Variants in ATPSCKMT observed in about 807,000 individuals in gnomAD.
ATPSCKMT encodes the protein ATP synthase subunit C lysine N-methyltransferase.
Under a neutral mutation model 24.3 loss-of-function variants are expected in ATPSCKMT, and 24 were observed. That is an observed-to-expected ratio of 0.99 (90% CI 0.71 to 1.39). The LOEUF (loss-of-function observed/expected upper bound fraction) is 1.39. Ranked by LOEUF, ATPSCKMT falls within the 40% of genes most tolerant of loss-of-function variation. The pLI, the probability that ATPSCKMT is intolerant of heterozygous loss-of-function variation, is 0.00. For synonymous variants in ATPSCKMT, 95 were observed against 110.5 expected, an observed-to-expected ratio of 0.86 and a Z score of 0.88; for missense variants, 311 against 298.4, an observed-to-expected ratio of 1.04 and a Z score of -0.31.
intron 1 of ATPSCKMT, among the ~76,000 whole-genome samples, chr5:10,240,904 G>C (rs1744610746): frequency 6.6e-6 from 1 of 151,440 alleles, no homozygotes; most frequent in African/African-American, 2.4e-5. Flanking sequence ...GCTGAGGCAG[G>C]AGAATCGCTT....
chr5:10,239,325 A>C lies in ATPSCKMT; in HGVS notation c.48T>G (p.Ser16Arg), dbSNP rs1351883276. Residue 16 changes from serine to arginine, a missense_variant, in exon 2 of 5, where the codon AGT becomes AGG. Coordinates refer to ENST00000511437, the MANE Select transcript of ATPSCKMT (RefSeq NM_199133.4). ...GIPLETLKEE[S>R]QSRHVLPASF... is the part of the protein sequence containing the mutation. ...TTGCAGGTAGAACATGTCTTGACTG[A>C]CTTTCTTCTTTAAGTGTTTCTAGGG... 1.2e-6 allele frequency: 2 copies of C among 1,614,078 alleles called. No individual in the cohort carries two copies. Among genetic ancestry groups the C allele is most frequent in the South Asian group, 1.1e-5 (1 of 91,084 alleles).
intron 3 of ATPSCKMT, chr5:10,236,211 A>AT (rs1468955337): frequency 6.6e-6 from 2 of 304,068 alleles, no homozygotes; most frequent in Non-Finnish European, 1.2e-5. Context: ...AAATCTCATT[A>AT]TTTTGTAAGA....
chr5:10,248,728 TG>T (rs1374346094), intron 1 of ATPSCKMT, among the ~76,000 whole-genome samples: 1 of 152,244 alleles, frequency 6.6e-6, no homozygotes, highest in African/African-American at 2.4e-5. Flanking sequence ...CAGGGTCAAA[TG>T]TTATAGTGCA....
Position 10,226,788 on chromosome 5 carries a change from G to A in ATPSCKMT, c.*653C>T, listed in dbSNP as rs191579354. The A allele has an allele frequency of 6.6e-6, 1 of 152,516 alleles. No individual in the cohort carries two copies. Among genetic ancestry groups the A allele is most frequent in the East Asian group, 1.9e-4 (1 of 5,190 alleles). The allele number at this position is 152,516 out of a possible 1,614,324, so 9.4% of individuals were successfully genotyped here. ...TGGCAGAGATACACAGAAAGCCAAG[G>A]CTCAGAGGCAGTAAGTCATGGGTCC... On this transcript the variant is annotated 3_prime_UTR_variant, in exon 5 of 5. Coordinates refer to ENST00000511437, the MANE Select transcript of ATPSCKMT (RefSeq NM_199133.4).
intron 4 of ATPSCKMT, 148 bp downstream of exon 4, chr5:10,235,063 A>AT: frequency 1.5e-6 from 1 of 662,092 alleles, no homozygotes; most frequent in African/African-American, 1.8e-5. Context: ...ACTCTGAAGT[A>AT]TTTTATTAAA....
At chr5:10,238,256 T>C (rs559034568) in intron 2 of ATPSCKMT, among the ~76,000 whole-genome samples, 1 of 152,282 alleles carries the variant, frequency 6.6e-6, no homozygotes, top group South Asian at 2.1e-4. Flanking sequence ...AACACTACGG[T>C]ATGTGTATCT....
At chr5:10,243,242 T>G (rs1329062824) in intron 1 of ATPSCKMT, among the ~76,000 whole-genome samples, 1 of 152,166 alleles carries the variant, frequency 6.6e-6, no homozygotes, top group Non-Finnish European at 1.5e-5. Context: ...TCTCAACACT[T>G]TGGGAGGCTG....
chr5:10,244,014 T>TC (rs772126021), intron 1 of ATPSCKMT, among the ~76,000 whole-genome samples: 16 of 152,240 alleles, frequency 1.1e-4, no homozygotes, highest in Non-Finnish European at 2.1e-4. Context: ...GAAGTGTGAC[T>TC]CATTCACTTG....
intron 1 of ATPSCKMT, among the ~76,000 whole-genome samples, chr5:10,244,848 CA>C (rs1744819652): frequency 6.7e-6 from 1 of 150,304 alleles, no homozygotes; most frequent in South Asian, 2.1e-4. Flanking sequence ...GCTGAGGCTG[CA>C]GTGAGCCGTG....
chr5:10,239,386 T>C (rs768172178), intron 1 of ATPSCKMT, 30 bp from the exon 2 acceptor site: 2 of 1,555,028 alleles, frequency 1.3e-6, no homozygotes, highest in Non-Finnish European at 1.7e-6. Context: ...AAGAGACACA[T>C]GTAGCACCAA....
intron 4 of ATPSCKMT, among the ~76,000 whole-genome samples, chr5:10,230,022 T>A (rs1481207402): frequency 6.6e-6 from 1 of 152,254 alleles, no homozygotes; most frequent in African/African-American, 2.4e-5. Context: ...AGAAGTGATA[T>A]TTAGAAAACA....
At chr5:10,234,699 A>G (rs983055321) in intron 4 of ATPSCKMT, among the ~76,000 whole-genome samples, 2 of 152,222 alleles carry the variant, frequency 1.3e-5, no homozygotes, top group African/African-American at 4.8e-5. Context: ...TTTCAGTACA[A>G]TACTGTGGCA....
chr5:10,236,955 A>G (rs1229476749), intron 2 of ATPSCKMT: 2 of 1,327,378 alleles, frequency 1.5e-6, no homozygotes, highest in Non-Finnish European at 2.0e-6. Flanking sequence ...GCATCTCTCC[A>G]TCAGTGGGCT....
chr5:10,248,996 GGCACC>G (rs915411561), intron 1 of ATPSCKMT, among the ~76,000 whole-genome samples: 2 of 152,146 alleles, frequency 1.3e-5, no homozygotes, highest in Non-Finnish European at 2.9e-5. Context: ...AGACCTGCCG[GGCACC>G]GCGGTGGCTC....
At position 10,227,434 on chromosome 5, in the gene ATPSCKMT, G is replaced by A; in HGVS notation, c.*7C>T. On this transcript the variant is annotated 3_prime_UTR_variant, in exon 5 of 5. Coordinates refer to ENST00000511437, the MANE Select transcript of ATPSCKMT (RefSeq NM_199133.4). ...ACAATATTTCAGAAAAACACTCCCAGTCAAGTTTATGCTTGAATGGGCAGC... is the reference window on the plus strand; with the variant it reads ...ACAATATTTCAGAAAAACACTCCCAATCAAGTTTATGCTTGAATGGGCAGC... 1 of 1,613,508 alleles carries A rather than the reference G, an allele frequency of 6.2e-7. No individual in the cohort carries two copies. The highest frequency in any genetic ancestry group is 8.5e-7 in the Non-Finnish European group (1 of 1,179,816).
chr5:10,236,731 T>C (rs1255084594), intron 2 of ATPSCKMT, 116 bp from the exon 3 acceptor site: 4 of 1,488,020 alleles, frequency 2.7e-6, no homozygotes, highest in Non-Finnish European at 3.6e-6. Context: ...GCACCTCCCG[T>C]GACTAAGACA....
intron 4 of ATPSCKMT, among the ~76,000 whole-genome samples, chr5:10,231,863 C>T (rs79036052): frequency 0.034 from 5,149 of 152,256 alleles, 120 homozygotes; most frequent in African/African-American, 0.067. Context: ...GATTCAGCTA[C>T]GAGTTATTTT....
At chr5:10,242,673 C>T (rs547145507) in intron 1 of ATPSCKMT, among the ~76,000 whole-genome samples, 2 of 152,278 alleles carry the variant, frequency 1.3e-5, no homozygotes, top group South Asian at 4.1e-4. Flanking sequence ...TGACTTTGCC[C>T]AGATCCATCA....
At position 10,239,233 on chromosome 5, in the gene ATPSCKMT, G is replaced by A. The variant is rs1238371600; in HGVS notation, c.140C>T (p.Thr47Ile). ...GFLLTGLVGG[T>I]LVAVYAVATP... ...GGCTACAGCGTACACAGCCACCAGG[G>A]TGCCACCCACAAGCCCAGTAAGTAA... The change falls in exon 2 of 5, where the codon ACC (threonine) becomes ATC (isoleucine). Residue 47 changes from threonine to isoleucine, a missense_variant. By Grantham distance (89) the Thr-to-Ile change is moderately conservative (BLOSUM62 -1). Transcript: ENST00000511437. 2 of 1,614,204 alleles carry A rather than the reference G, an allele frequency of 1.2e-6. No homozygotes were observed.
Sources: gnomAD v4.1 joint callset for allele counts (sites outside exome capture counted in the v4.1 genomes callset) on GRCh38, gnomAD v4.1.1 for gene constraint, MANE v1.5 for transcripts, NCBI Gene and HGNC (gene_info 2026-07-23, HGNC 2026-07-21) for gene names.